The following ARL15 variants were observed in gnomAD, a reference collection of about 807,000 sequenced individuals.
The protein encoded by ARL15 is ARF like GTPase 15.
ARL15 carries 19 observed loss-of-function variants against 25.2 expected under a neutral mutation model. The observed-to-expected ratio is 0.75, with a 90% CI of 0.53 to 1.10. The LOEUF (loss-of-function observed/expected upper bound fraction) is 1.10. Ranked by LOEUF, ARL15 falls within the 50% of genes least tolerant of loss-of-function variation. The pLI is 0.00. For synonymous variants in ARL15, 94 were observed against 86.8 expected, an observed-to-expected ratio of 1.08 and a Z score of -0.46; for missense variants, 220 against 246.0, an observed-to-expected ratio of 0.89 and a Z score of 0.71.
chr5:53,976,550 G>C (rs1747931415), intron 4 of ARL15, among the ~76,000 whole-genome samples: 1 of 152,196 alleles, frequency 6.6e-6, no homozygotes, highest in African/African-American at 2.4e-5. Context: ...AATAACTTGG[G>C]CAAATGTGGA....
At chr5:54,057,686 T>A (rs2112016074) in intron 4 of ARL15, among the ~76,000 whole-genome samples, 1 of 152,032 alleles carries the variant, frequency 6.6e-6, no homozygotes, top group Middle Eastern at 3.4e-3. Context: ...TACAAAAAAA[T>A]ATTTAAAAAT....
intron 1 of ARL15, among the ~76,000 whole-genome samples, chr5:54,175,110 G>A (rs745880073): frequency 6.6e-6 from 1 of 152,046 alleles, no homozygotes; most frequent in Non-Finnish European, 1.5e-5. Flanking sequence ...TAGAGCATCC[G>A]GTTTAAATTA....
At chr5:54,241,383 G>A (rs1756952590) in intron 1 of ARL15, among the ~76,000 whole-genome samples, 1 of 151,936 alleles carries the variant, frequency 6.6e-6, no homozygotes, top group African/African-American at 2.4e-5. Context: ...AGAATCATAA[G>A]GAAATAAACC....
rs537850336 is a variant in ARL15 at position 54,166,153 on chromosome 5, T to C, written c.193+5631A>G. On this transcript the variant is annotated intron_variant, in intron 2 of 4. Coordinates refer to ENST00000504924, the MANE Select transcript of ARL15 (RefSeq NM_019087.3). ...GGTTTTGAACAATTTTATTATGATG[T>C]GCCTTGGTATAGTTATATTCACGTT... Among the ~76,000 whole-genome samples, 8 of 152,212 alleles carry C rather than the reference T, an allele frequency of 5.3e-5. No individual in the cohort carries two copies. In the South Asian group the frequency reaches 1.4e-3, roughly 28 times the overall value.
intron 4 of ARL15, among the ~76,000 whole-genome samples, chr5:53,898,763 C>T (rs1425050177): frequency 6.6e-6 from 1 of 151,856 alleles, no homozygotes; most frequent in Non-Finnish European, 1.5e-5. Flanking sequence ...TGGAACCTTC[C>T]AACCTCAGCC....
At position 53,886,603 on chromosome 5, in the gene ARL15, A is replaced by T. The variant is rs375024492; in HGVS notation, c.573T>A (p.Ile191=). 13 of 1,562,626 alleles carry T rather than the reference A, an allele frequency of 8.3e-6. No individual in the cohort carries two copies. The African/African-American group carries it at 1.6e-4, about 20-fold the overall frequency. ...CATGGTCTTTTTCTTCTAACAAATT[A>T]ATCAGCTGAGAGAAGCTGTCTTTCA... ...DALKDSFSQL[I]NLLEEKDHEA... is the part of the protein sequence containing the mutation. Residue 191 remains isoleucine (I), a synonymous_variant, in exon 5 of 5, where the codon ATT becomes ATA. Transcript: ENST00000504924.
At chr5:54,026,065 C>A (rs1299205336) in intron 4 of ARL15, among the ~76,000 whole-genome samples, 1 of 152,150 alleles carries the variant, frequency 6.6e-6, no homozygotes, top group Non-Finnish European at 1.5e-5. Flanking sequence ...TAAATAATTT[C>A]ATGCGTTAAA....
intron 4 of ARL15, among the ~76,000 whole-genome samples, chr5:53,994,307 A>G (rs1413810075): frequency 6.6e-6 from 1 of 152,240 alleles, no homozygotes; most frequent in Non-Finnish European, 1.5e-5. Flanking sequence ...GCAATGTAAT[A>G]CTACCAAATT....
chr5:53,935,467 T>C (rs1746324365), intron 4 of ARL15, among the ~76,000 whole-genome samples: 1 of 152,198 alleles, frequency 6.6e-6, no homozygotes, highest in Admixed American at 6.5e-5. Context: ...CATCATTCTG[T>C]TTCAGTACAG....
intron 1 of ARL15, among the ~76,000 whole-genome samples, chr5:54,197,961 T>C (rs1755601094): frequency 6.6e-6 from 1 of 151,948 alleles, no homozygotes; most frequent in South Asian, 2.1e-4. Context: ...TCAAGTGGGC[T>C]TCATCCCTGG....
At chr5:54,115,874 A>G (rs1752884907) in intron 3 of ARL15, among the ~76,000 whole-genome samples, 1 of 152,190 alleles carries the variant, frequency 6.6e-6, no homozygotes, top group African/African-American at 2.4e-5. Context: ...CAGCAGGGGT[A>G]CTGAGATAAG....
chr5:54,127,553 T>C (rs1181058787), intron 3 of ARL15, among the ~76,000 whole-genome samples: 1 of 151,584 alleles, frequency 6.6e-6, no homozygotes, highest in Non-Finnish European at 1.5e-5. Flanking sequence ...TCCATGCTCA[T>C]GGGTAGGAAG....
At chr5:54,036,822 A>C (rs191627784) in intron 4 of ARL15, among the ~76,000 whole-genome samples, 6 of 152,268 alleles carry the variant, frequency 3.9e-5, no homozygotes, top group Admixed American at 3.9e-4. Flanking sequence ...TGTTTCCTAT[A>C]CTGGATTATA....
chr5:53,894,844 C>T (rs1580056048), intron 4 of ARL15, among the ~76,000 whole-genome samples: 1 of 152,154 alleles, frequency 6.6e-6, no homozygotes, highest in African/African-American at 2.4e-5. Flanking sequence ...TCAAGGGGAT[C>T]GCTTATGATA....
chr5:53,950,350 A>C (rs1213714472), intron 4 of ARL15, among the ~76,000 whole-genome samples: 1 of 152,154 alleles, frequency 6.6e-6, no homozygotes, highest in Non-Finnish European at 1.5e-5. Context: ...TAAGAACAGA[A>C]AGACGACGAT....
chr5:54,029,854 G>A (rs917978877), intron 4 of ARL15, among the ~76,000 whole-genome samples: 2 of 152,022 alleles, frequency 1.3e-5, no homozygotes, highest in East Asian at 1.9e-4. Flanking sequence ...AAAATTAGCC[G>A]GGCATAGTGG....
At chr5:54,281,873 C>T (rs1043337454) in intron 1 of ARL15, among the ~76,000 whole-genome samples, 14 of 152,186 alleles carry the variant, frequency 9.2e-5, no homozygotes, top group African/African-American at 3.1e-4. Context: ...TGTATTATTA[C>T]AAGCTGTAAT....
At chr5:54,117,550 G>A (rs566737643) in intron 3 of ARL15, among the ~76,000 whole-genome samples, 11 of 152,104 alleles carry the variant, frequency 7.2e-5, no homozygotes, top group Non-Finnish European at 1.6e-4. Context: ...GGCAGTAAAA[G>A]TTATTATTTT....
chr5:54,085,918 CTT>C (rs112018609), intron 4 of ARL15, among the ~76,000 whole-genome samples: 20 of 142,938 alleles, frequency 1.4e-4, no homozygotes, highest in Non-Finnish European at 1.1e-4. Flanking sequence ...CACACATGAG[CTT>C]TTTTTTTTTT....
Sources: gnomAD v4.1 joint callset for allele counts (sites outside exome capture counted in the v4.1 genomes callset) on GRCh38, gnomAD v4.1.1 for gene constraint, MANE v1.5 for transcripts, NCBI Gene and HGNC (gene_info 2026-07-23, HGNC 2026-07-21) for gene names.